CEP85L: variants seen among roughly 807,000 people sequenced by gnomAD.
The protein encoded by CEP85L is centrosomal protein 85L, also known as centrosomal protein of 85 kDa-like.
In CEP85L, 60 loss-of-function variants were observed where a neutral mutation model predicts 100.3. The observed-to-expected ratio is 0.60, with a 90% CI of 0.49 to 0.74. The LOEUF is 0.74. Among genes scored for constraint, CEP85L ranks in the 30% least tolerant of loss-of-function variants. The probability of loss-of-function intolerance (pLI) is 0.00; values close to 1 mark genes in which losing one functional copy is unlikely to be tolerated. For synonymous variants in CEP85L, 319 were observed against 322.7 expected (o/e 0.99, Z 0.12); for missense variants, 973 against 936.2 (o/e 1.04, Z -0.51).
intron 7 of CEP85L, 87 bp from the exon 8 acceptor site, chr6:118,482,020 C>T: frequency 1.9e-6 from 1 of 524,526 alleles, no homozygotes; most frequent in Non-Finnish European, 2.7e-6. Flanking sequence ...CAAGGATTAA[C>T]AGACTTGTAG....
Position 118,685,557 on chromosome 6 carries a change from TTTTA to T in CEP85L, c.-28+24475_-28+24478del, listed in dbSNP as rs1776802737. Among the ~76,000 whole-genome samples, 3 of 152,210 alleles carry T rather than the reference TTTTA, an allele frequency of 2.0e-5. No individual in the cohort carries two copies. The South Asian group carries it at 6.2e-4, about 32-fold the overall frequency. ...AACTTTAAAAATACAACAACAAGATTTTTATTTTTCATGAAATAAACAACAGTGA... is the reference window on the plus strand; with the variant it reads ...AACTTTAAAAATACAACAACAAGATTTTTTTCATGAAATAAACAACAGTGA... On this transcript the variant is annotated intron_variant, in intron 1 of 13. Transcript: ENST00000368488.
intron 2 of CEP85L, among the ~76,000 whole-genome samples, chr6:118,623,888 T>TC (rs1375325271): frequency 1.3e-5 from 2 of 152,190 alleles, no homozygotes; most frequent in South Asian, 2.1e-4. Context: ...GTCAAGTCCC[T>TC]CCCCTCTACC....
At chr6:118,546,277 C>G (rs1778196113) in intron 3 of CEP85L, among the ~76,000 whole-genome samples, 1 of 152,132 alleles carries the variant, frequency 6.6e-6, no homozygotes, top group Admixed American at 6.6e-5. Flanking sequence ...AACTGTGTCA[C>G]ACACAGTTGT....
chr6:118,583,209 C>T (rs1219306163), intron 2 of CEP85L, among the ~76,000 whole-genome samples: 2 of 152,114 alleles, frequency 1.3e-5, no homozygotes, highest in South Asian at 2.1e-4. Flanking sequence ...AGGCTTAAAC[C>T]CCCGGCTCCA....
intron 2 of CEP85L, among the ~76,000 whole-genome samples, chr6:118,600,336 T>C (rs1781703463): frequency 7.9e-6 from 1 of 126,378 alleles, no homozygotes; most frequent in African/African-American, 2.9e-5. Flanking sequence ...TGTGTGTGTG[T>C]GTGTGTGTGT....
chr6:118,497,606 C>T (rs1775004916), intron 5 of CEP85L, among the ~76,000 whole-genome samples: 1 of 152,132 alleles, frequency 6.6e-6, no homozygotes, highest in African/African-American at 2.4e-5. Context: ...AAAACCAGAC[C>T]CTGGTGCCAA....
At chr6:118,474,364 C>T (rs190965064) in intron 10 of CEP85L, among the ~76,000 whole-genome samples, 68 of 152,302 alleles carry the variant, frequency 4.5e-4, no homozygotes, top group African/African-American at 1.6e-3. Flanking sequence ...ACACACGGCT[C>T]CCTCTCCTCC....
intron 3 of CEP85L, among the ~76,000 whole-genome samples, chr6:118,532,485 C>T (rs1477641328): frequency 6.6e-6 from 1 of 152,060 alleles, no homozygotes; most frequent in Admixed American, 6.6e-5. Context: ...ATGTAACAAA[C>T]CTGGTTATGT....
At chr6:118,546,178 T>C (rs1266050031) in intron 3 of CEP85L, among the ~76,000 whole-genome samples, 1 of 152,138 alleles carries the variant, frequency 6.6e-6, no homozygotes, top group Non-Finnish European at 1.5e-5. Flanking sequence ...CATCGTCATC[T>C]TCACTAGCTA....
At chr6:118,480,003 G>T in intron 9 of CEP85L, 82 bp from the exon 10 acceptor site, 2 of 728,142 alleles carry the variant, frequency 2.7e-6, no homozygotes, top group Admixed American at 3.5e-5. Flanking sequence ...AAACAGCACA[G>T]AAATTTATAA....
chr6:118,537,562 G>A, intron 3 of CEP85L: 3 of 985,262 alleles, frequency 3.0e-6, no homozygotes, highest in Non-Finnish European at 3.6e-6. Context: ...TCAAAATTGA[G>A]TAAGGATAGC....
intron 3 of CEP85L, among the ~76,000 whole-genome samples, chr6:118,536,343 G>A (rs1777589362): frequency 6.6e-6 from 1 of 152,114 alleles, no homozygotes; most frequent in East Asian, 1.9e-4. Context: ...TAAACCTACT[G>A]GGCATTAGAA....
intron 2 of CEP85L, among the ~76,000 whole-genome samples, chr6:118,615,904 G>A (rs1773008607): frequency 6.6e-6 from 1 of 152,142 alleles, no homozygotes; most frequent in Non-Finnish European, 1.5e-5. Flanking sequence ...GGTGTCTCCT[G>A]GACCCTGTCC....
chr6:118,488,206 A>G (rs1774318873), intron 6 of CEP85L, among the ~76,000 whole-genome samples: 1 of 151,984 alleles, frequency 6.6e-6, no homozygotes, highest in South Asian at 2.1e-4. Flanking sequence ...CAAACAAAAT[A>G]AATCTCCTGA....
At chr6:118,476,943 CTGAAAAA>C (rs891999589) in intron 10 of CEP85L, among the ~76,000 whole-genome samples, 81 of 152,088 alleles carry the variant, frequency 5.3e-4, no homozygotes, top group African/African-American at 1.9e-3. Context: ...TAACAGCTCA[CTGAAAAA>C]GGCTTACGGA....
intron 5 of CEP85L, among the ~76,000 whole-genome samples, chr6:118,505,053 T>A (rs1479249321): frequency 6.6e-6 from 1 of 152,110 alleles, no homozygotes; most frequent in Non-Finnish European, 1.5e-5. Flanking sequence ...TGTGTGGGGA[T>A]ATGGAGGATA....
intron 2 of CEP85L, among the ~76,000 whole-genome samples, chr6:118,590,936 C>T (rs1236244705): frequency 2.0e-5 from 3 of 152,072 alleles, no homozygotes; most frequent in African/African-American, 7.2e-5. Flanking sequence ...CTCCGGTCAT[C>T]GGAGCCATAT....
chr6:118,555,649 CTTAT>C (rs1210308507), intron 3 of CEP85L, among the ~76,000 whole-genome samples: 4 of 152,068 alleles, frequency 2.6e-5, no homozygotes, highest in Non-Finnish European at 5.9e-5. Context: ...TGCTATGTCC[CTTAT>C]TTTTAACTTT....
At chr6:118,528,788 T>C (rs1370302823) in intron 3 of CEP85L, among the ~76,000 whole-genome samples, 1 of 152,222 alleles carries the variant, frequency 6.6e-6, no homozygotes, top group Non-Finnish European at 1.5e-5. Context: ...AATGAAGTTA[T>C]AGAATGGAAT....
Sources: gnomAD v4.1 joint callset for allele counts (sites outside exome capture counted in the v4.1 genomes callset) on GRCh38, gnomAD v4.1.1 for gene constraint, MANE v1.5 for transcripts, NCBI Gene and HGNC (gene_info 2026-07-23, HGNC 2026-07-21) for gene names.